SIMC1: variants seen among roughly 807,000 people sequenced by gnomAD.
SIMC1 encodes SUMO-interacting motif-containing protein 1.
A neutral mutation model predicts 82.3 loss-of-function variants in SIMC1; 55 were observed. The observed-to-expected ratio is 0.67, with a 90% CI of 0.54 to 0.84. The LOEUF (loss-of-function observed/expected upper bound fraction) is 0.84. Among genes scored for constraint, SIMC1 ranks in the 40% least tolerant of loss-of-function variants. The pLI, the probability that SIMC1 is intolerant of heterozygous loss-of-function variation, is 0.00. For missense variants in SIMC1, 915 were observed against 1,107.2 expected (o/e 0.83, Z 2.46); for synonymous variants, 353 against 426.3 (o/e 0.83, Z 2.12).
At chr5:176,295,874 C>T (rs1763791321) in intron 3 of SIMC1, among the ~76,000 whole-genome samples, 1 of 152,136 alleles carries the variant, frequency 6.6e-6, no homozygotes, top group Non-Finnish European at 1.5e-5. Flanking sequence ...TTTAATTGGC[C>T]TAATGAGAGA....
At chr5:176,254,928 T>C (rs1165816725) in intron 1 of SIMC1, among the ~76,000 whole-genome samples, 1 of 152,142 alleles carries the variant, frequency 6.6e-6, no homozygotes, top group African/African-American at 2.4e-5. Flanking sequence ...TGTAAACTAA[T>C]AAGTAGCTTA....
intron 1 of SIMC1, among the ~76,000 whole-genome samples, chr5:176,279,477 G>T (rs548437222): frequency 2.0e-5 from 3 of 151,588 alleles, no homozygotes; most frequent in African/African-American, 4.8e-5. Flanking sequence ...ATTTCCTTCA[G>T]TTCTGCTCTG....
intron 1 of SIMC1, chr5:176,261,094 C>G (rs1465787885): frequency 6.6e-6 from 1 of 152,104 alleles, no homozygotes; most frequent in African/African-American, 2.4e-5. Context: ...GCAACCTCTG[C>G]CTCCCGGGTT....
intron 1 of SIMC1, among the ~76,000 whole-genome samples, chr5:176,245,342 A>C (rs1454579306): frequency 6.6e-6 from 1 of 152,164 alleles, no homozygotes; most frequent in Non-Finnish European, 1.5e-5. Context: ...TGGCGACATC[A>C]GGAGCTAAGA....
At chr5:176,279,041 A>C (rs569197178) in intron 1 of SIMC1, among the ~76,000 whole-genome samples, 1 of 152,056 alleles carries the variant, frequency 6.6e-6, no homozygotes, top group Non-Finnish European at 1.5e-5. Flanking sequence ...GCTCCTCCTT[A>C]TACCTCTGGT....
chr5:176,303,292 G>T (rs957120464), intron 4 of SIMC1, among the ~76,000 whole-genome samples: 2 of 146,584 alleles, frequency 1.4e-5, no homozygotes, highest in African/African-American at 2.5e-5. Context: ...AAAAAAGTTG[G>T]TATCTTGCAA....
chr5:176,345,275 G>C lies in SIMC1; in HGVS notation c.2506G>C (p.Asp836His). 6.2e-7 allele frequency: 1 copy of C among 1,614,012 alleles called. No homozygotes were observed. Among genetic ancestry groups the C allele is most frequent in the South Asian group, 1.1e-5 (1 of 91,082 alleles). The change falls in exon 10 of 10, where the codon GAC becomes CAC. Residue 836 changes from aspartate (D) to histidine (H), a missense_variant. Coordinates refer to ENST00000429602, the MANE Select transcript of SIMC1 (RefSeq NM_001308195.2). ...GCAAGGAGATGACATCACAGTGGTA[G>C]ACGTAGAGAAGCAGATTGAGGCCTT... ...PQQGDDITVV[D>H]VEKQIEAFRS... is the part of the protein sequence containing the mutation.
chr5:176,342,895 A>G (rs1374345399), intron 9 of SIMC1, among the ~76,000 whole-genome samples: 6 of 152,206 alleles, frequency 3.9e-5, no homozygotes, highest in African/African-American at 1.2e-4. Flanking sequence ...TCAGTCCACA[A>G]GGACTGGGCC....
chr5:176,313,907 G>A, intron 5 of SIMC1, 62 bp downstream of exon 5: 1 of 1,598,736 alleles, frequency 6.3e-7, no homozygotes, highest in Non-Finnish European at 8.5e-7. Context: ...GGCAGCTGCT[G>A]AAGGCCAGAA....
intron 1 of SIMC1, among the ~76,000 whole-genome samples, chr5:176,279,619 A>G (rs1323351078): frequency 6.7e-6 from 1 of 150,372 alleles, no homozygotes; most frequent in Non-Finnish European, 1.5e-5. Context: ...TTAGTGCTAT[A>G]AATTTCCCTC....
intron 4 of SIMC1, chr5:176,313,068 G>GT (rs1764732820): frequency 5.3e-6 from 1 of 190,164 alleles, no homozygotes; most frequent in African/African-American, 2.3e-5. Flanking sequence ...CTCTTTAACT[G>GT]TTTGTCAGTT....
chr5:176,297,039 G>A (rs1763843413), intron 4 of SIMC1, among the ~76,000 whole-genome samples: 1 of 152,192 alleles, frequency 6.6e-6, no homozygotes, highest in Non-Finnish European at 1.5e-5. Flanking sequence ...AGAGGTCTTG[G>A]ATTTAGAAAC....
intron 4 of SIMC1, among the ~76,000 whole-genome samples, chr5:176,311,664 AAAAC>A (rs1157379381): frequency 1.3e-5 from 2 of 152,198 alleles, no homozygotes; most frequent in Non-Finnish European, 2.9e-5. Context: ...AGGGGAGAAA[AAAAC>A]AAAACTCTAG....
intron 1 of SIMC1, among the ~76,000 whole-genome samples, chr5:176,244,265 A>T (rs1253110691): frequency 1.3e-5 from 1 of 76,038 alleles, no homozygotes; most frequent in African/African-American, 5.5e-5. Flanking sequence ...CATTGAAATG[A>T]AGCAGACTTG....
chr5:176,270,701 T>C (rs2560184), intron 1 of SIMC1, among the ~76,000 whole-genome samples: 27 of 152,308 alleles, frequency 1.8e-4, no homozygotes, highest in Admixed American at 4.6e-4. Flanking sequence ...GACTTTGCAT[T>C]GGAACTCACT....
chr5:176,309,634 T>C (rs930907774), intron 4 of SIMC1, among the ~76,000 whole-genome samples: 3 of 152,172 alleles, frequency 2.0e-5, no homozygotes, highest in Admixed American at 6.5e-5. Context: ...ATATTTAAAG[T>C]GTGCTAAAAA....
chr5:176,281,415 T>C (rs1480002776), intron 1 of SIMC1, among the ~76,000 whole-genome samples: 1 of 152,200 alleles, frequency 6.6e-6, no homozygotes, highest in Non-Finnish European at 1.5e-5. Context: ...TCTGAAACCT[T>C]CTTCTCTCAA....
At chr5:176,322,564 T>G in intron 6 of SIMC1, 139 bp downstream of exon 6, 1 of 1,068,160 alleles carries the variant, frequency 9.4e-7, no homozygotes, top group South Asian at 2.7e-5. Context: ...AGACTTAGTT[T>G]AACTAGAGGC....
In SIMC1 at chr5:176,249,301, A is replaced by G. The variant is rs543916437; in HGVS notation, c.129+10664A>G. Among the ~76,000 whole-genome samples the G allele has an allele frequency of 3.4e-3, 524 of 151,964 alleles. 3 individuals carry two copies. Among genetic ancestry groups the G allele is most frequent in the African/African-American group, 0.012 (496 of 41,468 alleles). On this transcript the variant is annotated intron_variant, in intron 1 of 9. Coordinates refer to ENST00000429602, the MANE Select transcript of SIMC1 (RefSeq NM_001308195.2). ...CAGAACTTGTTATTGGTCTATTCAG[A>G]GATTCAACTTCTTCCTGGTTTAGTC...
Sources: allele counts gnomAD v4.1 joint callset (sites outside exome capture counted in the v4.1 genomes callset), GRCh38; gene constraint gnomAD v4.1.1; transcripts MANE v1.5; gene names NCBI Gene and HGNC (gene_info 2026-07-23, HGNC 2026-07-21).